The following PACRG variants were observed in gnomAD, a reference collection of about 807,000 sequenced individuals.
PACRG encodes the protein parkin coregulated.
A neutral mutation model predicts 29.7 loss-of-function variants in PACRG; 29 were observed. The observed-to-expected ratio is 0.98, with a 90% CI of 0.73 to 1.33. The LOEUF (loss-of-function observed/expected upper bound fraction) is 1.33. Among genes scored for constraint, PACRG ranks in the 40% most tolerant of loss-of-function variants. The pLI is 0.00. For missense variants in PACRG, 279 were observed against 316.2 expected (o/e 0.88, Z 0.89); for synonymous variants, 116 against 118.7 (o/e 0.98, Z 0.15).
chr6:162,933,179 A>T (rs1311338868), intron 2 of PACRG, among the ~76,000 whole-genome samples: 2 of 152,016 alleles, frequency 1.3e-5, no homozygotes, highest in African/African-American at 2.4e-5. Context: ...CAAAGTTCTT[A>T]TTATTTCTGG....
At chr6:163,278,675 T>C (rs974430839) in intron 4 of PACRG, among the ~76,000 whole-genome samples, 1 of 152,228 alleles carries the variant, frequency 6.6e-6, no homozygotes, top group African/African-American at 2.4e-5. Flanking sequence ...GGTTCTCTAT[T>C]CTGTTCCATT....
chr6:163,021,865 A>C (rs896363634), intron 2 of PACRG, among the ~76,000 whole-genome samples: 1 of 152,222 alleles, frequency 6.6e-6, no homozygotes, highest in Non-Finnish European at 1.5e-5. Context: ...GCTCCCTGTT[A>C]TTCCGAGTTA....
intron 4 of PACRG, among the ~76,000 whole-genome samples, chr6:163,104,135 C>T (rs1395414308): frequency 2.6e-5 from 4 of 152,188 alleles, no homozygotes; most frequent in Non-Finnish European, 5.9e-5. Flanking sequence ...AATTCTTATG[C>T]ATTATGAAGC....
At chr6:163,042,402 C>T (rs1808824627) in intron 2 of PACRG, among the ~76,000 whole-genome samples, 1 of 152,262 alleles carries the variant, frequency 6.6e-6, no homozygotes, top group South Asian at 2.1e-4. Context: ...ACACCATTTC[C>T]ACAAATTGTC....
At chr6:162,925,420 A>T (rs556954971) in intron 2 of PACRG, among the ~76,000 whole-genome samples, 1 of 152,198 alleles carries the variant, frequency 6.6e-6, no homozygotes, top group South Asian at 2.1e-4. Flanking sequence ...CTTCAATAAA[A>T]TACTGGCAAA....
At chr6:163,027,667 C>G (rs1163372874) in intron 2 of PACRG, among the ~76,000 whole-genome samples, 1 of 152,158 alleles carries the variant, frequency 6.6e-6, no homozygotes, top group Non-Finnish European at 1.5e-5. Flanking sequence ...CTGGCTTTAA[C>G]CCCAGAAGAC....
intron 2 of PACRG, among the ~76,000 whole-genome samples, chr6:162,826,068 C>T (rs1788248849): frequency 6.6e-6 from 1 of 152,058 alleles, no homozygotes; most frequent in African/African-American, 2.4e-5. Context: ...GATTAAAGTA[C>T]CATCTTGAGA....
At chr6:163,095,551 G>C (rs1403107633) in intron 4 of PACRG, 1 of 640,290 alleles carries the variant, frequency 1.6e-6, no homozygotes, top group Non-Finnish European at 1.9e-6. Context: ...GTGTGGACAG[G>C]GCCAGCTCTC....
chr6:162,747,671 A>C (rs1274631636), intron 1 of PACRG, among the ~76,000 whole-genome samples: 2 of 150,952 alleles, frequency 1.3e-5, no homozygotes, highest in East Asian at 3.9e-4. Context: ...CAACCAATCA[A>C]CCAGATTGAG....
At position 163,304,417 on chromosome 6, in the gene PACRG, A is replaced by T. The variant is rs1785119573; in HGVS notation, c.614-10410A>T. Among the ~76,000 whole-genome samples, 3 of 152,226 alleles carry T rather than the reference A, an allele frequency of 2.0e-5. No homozygotes were observed. The South Asian group carries it at 6.2e-4, about 32-fold the overall frequency. ...TATACTTTCATTCATTCAGTTTACA[A>T]GTGCCCAATTTGAATTTGATGCCCA... On this transcript the variant is annotated intron_variant, in intron 4 of 4. Coordinates refer to ENST00000366888, the MANE Select transcript of PACRG (RefSeq NM_001080379.2).
intron 1 of PACRG, among the ~76,000 whole-genome samples, chr6:162,735,027 C>T (rs150271250): frequency 6.6e-6 from 1 of 152,300 alleles, no homozygotes; most frequent in East Asian, 1.9e-4. Context: ...CATCAACATT[C>T]TGTTTGTGAG....
At chr6:162,933,730 CT>C (rs1798031911) in intron 2 of PACRG, among the ~76,000 whole-genome samples, 1 of 147,320 alleles carries the variant, frequency 6.8e-6, no homozygotes, top group Non-Finnish European at 1.5e-5. Flanking sequence ...TTTAGAGTTG[CT>C]TTAAAGAAAT....
At chr6:163,108,936 A>G (rs940534130) in intron 4 of PACRG, among the ~76,000 whole-genome samples, 1 of 152,178 alleles carries the variant, frequency 6.6e-6, no homozygotes, top group Admixed American at 6.5e-5. Context: ...GAAACCTACA[A>G]AAGCCCATAA....
chr6:163,289,904 G>A (rs1026105063), intron 4 of PACRG, among the ~76,000 whole-genome samples: 1 of 151,892 alleles, frequency 6.6e-6, no homozygotes, highest in African/African-American at 2.4e-5. Flanking sequence ...CTGGAGTGCA[G>A]TGGTGCCATC....
At chr6:163,183,675 T>G (rs1308537141) in intron 4 of PACRG, 1 of 152,176 alleles carries the variant, frequency 6.6e-6, no homozygotes, top group East Asian at 1.9e-4. Context: ...TTTATTAGGG[T>G]TTTTAAGCTA....
intron 2 of PACRG, among the ~76,000 whole-genome samples, chr6:162,947,852 G>A (rs1474889319): frequency 2.7e-5 from 4 of 150,902 alleles, no homozygotes; most frequent in Non-Finnish European, 4.4e-5. Flanking sequence ...CCAAGGAGGT[G>A]AAACACCTCT....
chr6:163,091,869 G>C (rs564984716), intron 4 of PACRG, among the ~76,000 whole-genome samples: 1 of 152,272 alleles, frequency 6.6e-6, no homozygotes, highest in East Asian at 1.9e-4. Context: ...TATTTAAGCA[G>C]ATGTCCTTAG....
intron 2 of PACRG, among the ~76,000 whole-genome samples, chr6:162,882,132 G>A (rs188727893): frequency 6.0e-4 from 80 of 132,368 alleles, no homozygotes; most frequent in African/African-American, 2.1e-3. Flanking sequence ...ACCAAGGGGT[G>A]ATCTCTACCA....
chr6:163,026,597 C>T (rs768616224), intron 2 of PACRG, among the ~76,000 whole-genome samples: 6 of 152,186 alleles, frequency 3.9e-5, no homozygotes, highest in Admixed American at 6.5e-5. Flanking sequence ...TCAAGGAGTC[C>T]GCTAAGGTCA....
Sources: gnomAD v4.1 joint callset for allele counts (sites outside exome capture counted in the v4.1 genomes callset) on GRCh38, gnomAD v4.1.1 for gene constraint, MANE v1.5 for transcripts, NCBI Gene and HGNC (gene_info 2026-07-23, HGNC 2026-07-21) for gene names.